DAB1: variants seen among roughly 807,000 people sequenced by gnomAD.
The protein encoded by DAB1 is DAB adaptor protein 1.
A neutral mutation model predicts 64.6 loss-of-function variants in DAB1; 15 were observed. The observed-to-expected ratio is 0.23, with a 90% CI of 0.16 to 0.36. The LOEUF (loss-of-function observed/expected upper bound fraction) is 0.36. Ranked by LOEUF, DAB1 falls within the 10% of genes least tolerant of loss-of-function variation. DAB1 has a pLI of 1.00. For synonymous variants in DAB1, 235 were observed against 251.9 expected (o/e 0.93, Z 0.64); for missense variants, 596 against 706.7 (o/e 0.84, Z 1.78).
intron 4 of DAB1, among the ~76,000 whole-genome samples, chr1:57,124,929 C>A (rs1466970219): frequency 6.6e-6 from 1 of 151,884 alleles, no homozygotes; most frequent in Non-Finnish European, 1.5e-5. Context: ...AATGCCTGTC[C>A]CTCCCACCCC....
intron 3 of DAB1, among the ~76,000 whole-genome samples, chr1:58,426,659 T>C (rs548839090): frequency 6.6e-6 from 1 of 152,306 alleles, no homozygotes; most frequent in African/African-American, 2.4e-5. Context: ...TTGTGGAGAT[T>C]ACATTCTACC....
chr1:58,085,953 T>G (rs1650273603), intron 5 of DAB1, among the ~76,000 whole-genome samples: 1 of 135,598 alleles, frequency 7.4e-6, no homozygotes, highest in Non-Finnish European at 1.5e-5. Flanking sequence ...GGCTGATCTC[T>G]CTCTCTTTTT....
At chr1:57,015,493 G>A (rs2100330615) in intron 11 of DAB1, 62 bp from the exon 12 acceptor site, 1 of 1,437,224 alleles carries the variant, frequency 7.0e-7, no homozygotes, top group East Asian at 2.3e-5. Context: ...AAGGATGCAT[G>A]GACTCAGGTA....
intron 4 of DAB1, among the ~76,000 whole-genome samples, chr1:58,313,339 A>G (rs377625188): frequency 1.3e-5 from 2 of 152,124 alleles, no homozygotes; most frequent in South Asian, 4.1e-4. Context: ...CTAGGTCTGA[A>G]GGGGCAAGAG....
At chr1:57,909,233 T>C (rs1320536590) in intron 5 of DAB1, among the ~76,000 whole-genome samples, 1 of 152,176 alleles carries the variant, frequency 6.6e-6, no homozygotes, top group Non-Finnish European at 1.5e-5. Flanking sequence ...ACATTTCCAC[T>C]CTGAGACTCA....
chr1:58,242,231 G>C (rs974554511), intron 4 of DAB1, among the ~76,000 whole-genome samples: 15 of 151,954 alleles, frequency 9.9e-5, no homozygotes, highest in Non-Finnish European at 1.8e-4. Context: ...TGCAAAAAAT[G>C]TATAATGATA....
At chr1:57,013,885 C>T (rs1646340399) in intron 12 of DAB1, among the ~76,000 whole-genome samples, 1 of 152,158 alleles carries the variant, frequency 6.6e-6, no homozygotes, top group South Asian at 2.1e-4. Context: ...AGGAGACTCA[C>T]TGAAAGCTGG....
intron 7 of DAB1, among the ~76,000 whole-genome samples, chr1:57,477,145 G>C (rs536358492): frequency 1.3e-5 from 2 of 152,302 alleles, no homozygotes; most frequent in Non-Finnish European, 2.9e-5. Flanking sequence ...AAGATCTGTT[G>C]CACACAGAAG....
chr1:58,113,521 G>A (rs985306745), intron 5 of DAB1, among the ~76,000 whole-genome samples: 1 of 152,082 alleles, frequency 6.6e-6, no homozygotes, highest in Non-Finnish European at 1.5e-5. Context: ...AAGCACAAAT[G>A]GCAAAAAAAA....
At chr1:57,381,554 A>G (rs1681378015) in intron 1 of DAB1, among the ~76,000 whole-genome samples, 1 of 151,978 alleles carries the variant, frequency 6.6e-6, no homozygotes, top group African/African-American at 2.4e-5. Flanking sequence ...CATATGGATG[A>G]TCTCTATTTT....
chr1:58,279,977 G>T (rs961344570), intron 4 of DAB1, among the ~76,000 whole-genome samples: 2 of 152,100 alleles, frequency 1.3e-5, no homozygotes, highest in Admixed American at 1.3e-4. Flanking sequence ...TCATCAACGG[G>T]ATGACTCCAA....
intron 5 of DAB1, among the ~76,000 whole-genome samples, chr1:58,072,460 G>T (rs1002454982): frequency 4.6e-5 from 7 of 152,282 alleles, no homozygotes; most frequent in African/African-American, 1.4e-4. Flanking sequence ...TATGACAGTA[G>T]GTGGATTGCT....
chr1:58,141,267 T>C (rs1043392801), intron 5 of DAB1, among the ~76,000 whole-genome samples: 1 of 152,058 alleles, frequency 6.6e-6, no homozygotes, highest in African/African-American at 2.4e-5. Flanking sequence ...CTCACAATCA[T>C]GGTGGAAAGC....
At chr1:57,113,666 C>A (rs1295823702) in intron 4 of DAB1, among the ~76,000 whole-genome samples, 2 of 152,070 alleles carry the variant, frequency 1.3e-5, no homozygotes, top group South Asian at 2.1e-4. Context: ...TTGATTTTTT[C>A]AACCATTAAA....
At chr1:57,815,536 C>G (rs1025524092) in intron 6 of DAB1, among the ~76,000 whole-genome samples, 7 of 152,012 alleles carry the variant, frequency 4.6e-5, no homozygotes, top group African/African-American at 1.7e-4. Flanking sequence ...ATGCTAAATG[C>G]ATTTGTTACT....
chr1:58,242,438 A>G (rs1257487813), intron 4 of DAB1, among the ~76,000 whole-genome samples: 1 of 152,148 alleles, frequency 6.6e-6, no homozygotes, highest in Non-Finnish European at 1.5e-5. Flanking sequence ...ATAAAGCAGA[A>G]TATGTATAAT....
intron 1 of DAB1, among the ~76,000 whole-genome samples, chr1:57,849,972 T>C (rs1653446705): frequency 6.6e-6 from 1 of 152,162 alleles, no homozygotes; most frequent in Non-Finnish European, 1.5e-5. Context: ...TCGATAGTCC[T>C]GAGAAAGTGA....
chr1:57,932,192 A>G (rs1309776203), intron 5 of DAB1, among the ~76,000 whole-genome samples: 1 of 152,128 alleles, frequency 6.6e-6, no homozygotes, highest in Non-Finnish European at 1.5e-5. Context: ...TTCTGAGAGC[A>G]GATATCGATT....
At chr1:57,584,857 G>A (rs1645358256) in intron 7 of DAB1, among the ~76,000 whole-genome samples, 1 of 152,158 alleles carries the variant, frequency 6.6e-6, no homozygotes, top group African/African-American at 2.4e-5. Flanking sequence ...TGTGGCAGGA[G>A]GTAGAATGAG....
Sources: gnomAD v4.1 joint callset for allele counts (sites outside exome capture counted in the v4.1 genomes callset) on GRCh38, gnomAD v4.1.1 for gene constraint, MANE v1.5 for transcripts, NCBI Gene and HGNC (gene_info 2026-07-23, HGNC 2026-07-21) for gene names.